The following MAX variants were observed in gnomAD, a reference collection of about 807,000 sequenced individuals.
The protein encoded by MAX is protein max.
Under a neutral mutation model 22.3 loss-of-function variants are expected in MAX, and 3 were observed. The ratio of observed to expected loss-of-function variants is 0.13; its 90% CI spans 0.06 to 0.35. The LOEUF is 0.35. MAX is among the 10% of genes least tolerant of loss of function. The pLI, the probability that MAX is intolerant of heterozygous loss-of-function variation, is 1.00. For synonymous variants in MAX, 72 were observed against 77.7 expected, an observed-to-expected ratio of 0.93 and a Z score of 0.39; for missense variants, 119 against 209.4, an observed-to-expected ratio of 0.57 and a Z score of 2.66.
Position 65,093,374 on chromosome 14 carries a change from A to ATCT in MAX, c.171+331_171+333dup. 2.9e-6 allele frequency: 1 copy of ATCT among 339,756 alleles called. No individual in the cohort carries two copies. The highest frequency in any genetic ancestry group is 4.1e-5 in the Admixed American group (1 of 24,102). 21.0% of individuals were successfully genotyped at this position (339,756 alleles called of 1,614,324 possible). On this transcript the variant is annotated intron_variant, in intron 3 of 4. Transcript: ENST00000358664. This position sits in a 1 kb window ranked among gnomAD's most constrained non-coding sequence, Gnocchi z 4.4. ...GTCTAGGGTATTAATGACCTCTGGA[A>ATCT]TCTTTACTGTTATCCCAAACGAACT...
rs144250681 is a variant in MAX at position 65,054,580 on chromosome 14, G to C, written c.171+39128C>G. 2 of 1,612,846 alleles carry C rather than the reference G, an allele frequency of 1.2e-6. No individual in the cohort carries two copies. Reference sequence around the variant, plus strand: ...AGAGCTGCCTGTCCTTACAGGTCGCGTGATTTCTACCACACCTGCTACTGC... The same window carrying C: ...AGAGCTGCCTGTCCTTACAGGTCGCCTGATTTCTACCACACCTGCTACTGC... On this transcript the variant is annotated intron_variant, in intron 3 of 3. Coordinates refer to the MAX transcript ENST00000341653. This position sits in a 1 kb window ranked among gnomAD's most constrained non-coding sequence, Gnocchi z 4.4.
intron 3 of MAX, among the ~76,000 whole-genome samples, chr14:65,063,541 C>T (rs2062899558): frequency 6.6e-6 from 1 of 152,090 alleles, no homozygotes; most frequent in Admixed American, 6.5e-5. Flanking sequence ...TCCTGACAGC[C>T]CTCAAGGTGA....
chr14:65,027,202 T>C lies in MAX; in HGVS notation c.172-20918A>G, dbSNP rs1218732924. Among the ~76,000 whole-genome samples the C allele has an allele frequency of 6.6e-6, 1 of 152,190 alleles. No homozygotes were observed. Among genetic ancestry groups the C allele is most frequent in the Non-Finnish European group, 1.5e-5 (1 of 68,044 alleles). ...TACGAAAGTCGGTTTCTTCCCAGCCTTGTGTTCCCTGCTTCATGACCAACA... is the reference window on the plus strand; with the variant it reads ...TACGAAAGTCGGTTTCTTCCCAGCCCTGTGTTCCCTGCTTCATGACCAACA... On this transcript the variant is annotated intron_variant, in intron 3 of 3. Coordinates refer to the MAX transcript ENST00000341653. This position sits in a 1 kb window ranked among gnomAD's most constrained non-coding sequence, Gnocchi z 5.7.
chr14:65,056,133 T>G (rs2062731836), intron 3 of MAX, among the ~76,000 whole-genome samples: 1 of 152,266 alleles, frequency 6.6e-6, no homozygotes, highest in Non-Finnish European at 1.5e-5. Flanking sequence ...GTTGCTTGCA[T>G]GTTTTCAAAC....
chr14:65,057,876 C>A (rs1226391714), intron 3 of MAX, among the ~76,000 whole-genome samples: 1 of 152,212 alleles, frequency 6.6e-6, no homozygotes, highest in Non-Finnish European at 1.5e-5. Context: ...TGAAGGGGCC[C>A]TGTTTCTGGA....
chr14:65,063,811 T>C (rs2062903045), intron 3 of MAX, among the ~76,000 whole-genome samples: 1 of 152,204 alleles, frequency 6.6e-6, no homozygotes, highest in African/African-American at 2.4e-5. Flanking sequence ...GCAATCTTCC[T>C]GCCTCAGCCT....
At position 65,076,127 on chromosome 14, in the gene MAX, GC is replaced by G; in HGVS notation, c.*348del. On this transcript the variant is annotated 3_prime_UTR_variant, in exon 5 of 5. Transcript: ENST00000358664. The surrounding 1 kb of genome is among the most constrained non-coding windows in gnomAD (Gnocchi z 6.6). The stretch of plus-strand genomic sequence containing the variant: ...GTCCCCCGGGCATGTGCCCGGCAGG[GC>G]TGGAGGAGCTGGTAGGGTGGGCAGG... 1 of 1,308,190 alleles carries G rather than the reference GC, an allele frequency of 7.6e-7. No homozygotes were observed. The highest frequency in any genetic ancestry group is 9.7e-7 in the Non-Finnish European group (1 of 1,027,072). 81.0% of individuals were successfully genotyped at this position (1,308,190 alleles called of 1,614,324 possible). A position where few individuals can be genotyped will look rare whatever the true frequency, so the allele number is the denominator to read the frequency against.
rs1566587205 is a variant in MAX, at chr14:65,062,697, T to C, written c.171+31011A>G. The C allele has an allele frequency of 6.5e-6, 1 of 152,688 alleles. No homozygotes were observed. Among genetic ancestry groups the C allele is most frequent in the Non-Finnish European group, 1.5e-5 (1 of 68,056 alleles). 9.5% of individuals were successfully genotyped at this position (152,688 alleles called of 1,614,324 possible). A position where few individuals can be genotyped will look rare whatever the true frequency, so the allele number is the denominator to read the frequency against. Reference sequence around the variant, plus strand: ...TCTGTACCAAGAAAATGCCCAATGGTAGGAGCTACTAAAGGTTGCTCAGGG... The same window carrying C: ...TCTGTACCAAGAAAATGCCCAATGGCAGGAGCTACTAAAGGTTGCTCAGGG... On this transcript the variant is annotated intron_variant, in intron 3 of 3. Coordinates refer to the MAX transcript ENST00000341653. The surrounding 1 kb of genome is among the most constrained non-coding windows in gnomAD (Gnocchi z 4.3).
rs563468928 is a variant in MAX at position 65,031,979 on chromosome 14, CGTGTGTGTGTGTGTGTGT to C, written c.172-25713_172-25696del. Among the ~76,000 whole-genome samples the C allele has an allele frequency of 1.4e-5, 2 of 141,198 alleles. No individual in the cohort carries two copies. Among genetic ancestry groups the C allele is most frequent in the Non-Finnish European group, 1.5e-5 (1 of 64,712 alleles). The allele number at this position is 141,198 out of a possible 152,430, so 92.6% of individuals were successfully genotyped here. ...ATAGACGTGCGCCTTTTTCATTTAA[CGTGTGTGTGTGTGTGTGT>C]GTGTGTGTGTGTGTGTGTGTGTACT... On this transcript the variant is annotated intron_variant, in intron 3 of 3. Coordinates refer to the MAX transcript ENST00000341653. This position sits in a 1 kb window ranked among gnomAD's most constrained non-coding sequence, Gnocchi z 4.6.
At chr14:65,073,207 C>T (rs186820208), downstream of MAX, among the ~76,000 whole-genome samples, 95 of 152,254 alleles carry the variant, frequency 6.2e-4, no homozygotes, top group Middle Eastern at 3.4e-3. Flanking sequence ...ACACAGCCAC[C>T]GAGTGGCAGA....
At chr14:65,038,302 C>T (rs531846740) in intron 3 of MAX, among the ~76,000 whole-genome samples, 35 of 151,620 alleles carry the variant, frequency 2.3e-4, no homozygotes, top group African/African-American at 7.5e-4. Context: ...CCCAGCTACT[C>T]GGGAGGCTGA....
chr14:65,058,062 A>G (rs1432940650), intron 3 of MAX, among the ~76,000 whole-genome samples: 1 of 150,252 alleles, frequency 6.7e-6, no homozygotes, highest in Non-Finnish European at 1.5e-5. Context: ...TTCTAATGGG[A>G]TTTTTATTGG....
In MAX at chr14:65,069,061, G is replaced by A. The variant is rs2062959894; in HGVS notation, c.171+24647C>T. ...GCCAGGTAAGGCAGATGCCGATGGT[G>A]ATGACGTAAGTGCTAGGTGTCCATG... On this transcript the variant is annotated intron_variant, in intron 3 of 3. Transcript: ENST00000341653. This position sits in a 1 kb window ranked among gnomAD's most constrained non-coding sequence, Gnocchi z 4.6. Among the ~76,000 whole-genome samples, 1 of 152,116 alleles carries A rather than the reference G, an allele frequency of 6.6e-6. No homozygotes were observed. The highest frequency in any genetic ancestry group is 6.5e-5 in the Admixed American group (1 of 15,286).
chr14:65,101,686 G>A (rs1045791433), intron 1 of MAX, 114 bp from the exon 2 acceptor site: 4 of 778,928 alleles, frequency 5.1e-6, no homozygotes, highest in Non-Finnish European at 8.7e-6. Context: ...TGGGGAGTCA[G>A]CCCGACACCC....
At position 65,039,999 on chromosome 14, in the gene MAX, G is replaced by T. The variant is rs114262022; in HGVS notation, c.172-33715C>A. Among the ~76,000 whole-genome samples the T allele has an allele frequency of 4.1e-3, 624 of 152,016 alleles. 1 individual carries two copies. Among genetic ancestry groups the T allele is most frequent in the African/African-American group, 0.015 (606 of 41,492 alleles). The stretch of plus-strand genomic sequence containing the variant: ...AGGCCAGAAATTTAAGACCAGCCTG[G>T]GTAACATGGCAATGCCCCATCTCTA... On this transcript the variant is annotated intron_variant, in intron 3 of 3. Coordinates refer to the MAX transcript ENST00000341653.
At chr14:65,036,287 A>G (rs988885090) in intron 3 of MAX, among the ~76,000 whole-genome samples, 2 of 151,932 alleles carry the variant, frequency 1.3e-5, no homozygotes, top group African/African-American at 4.8e-5. Flanking sequence ...CCCAGGCTGG[A>G]GTGCAGTGGC....
intron 3 of MAX, among the ~76,000 whole-genome samples, chr14:65,037,329 C>A (rs1292637246): frequency 6.9e-6 from 1 of 144,060 alleles, no homozygotes; most frequent in Non-Finnish European, 1.5e-5. Flanking sequence ...GTCTCGAACT[C>A]CTGACCTCAA....
intron 3 of MAX, among the ~76,000 whole-genome samples, chr14:65,066,240 C>T (rs1051294676): frequency 5.3e-5 from 8 of 152,232 alleles, no homozygotes; most frequent in African/African-American, 1.9e-4. Context: ...TGCCGTGTGG[C>T]TCAGTGAGGC....
chr14:65,068,881 T>A (rs1271631277), intron 3 of MAX, among the ~76,000 whole-genome samples: 1 of 152,154 alleles, frequency 6.6e-6, no homozygotes, highest in Non-Finnish European at 1.5e-5. Context: ...CATTGCTACC[T>A]TCTGTACCCA....
Sources: gnomAD v4.1 joint callset for allele counts (sites outside exome capture counted in the v4.1 genomes callset) on GRCh38, gnomAD v4.1.1 for gene constraint, Gnocchi (gnomAD v3.1) non-coding constraint, MANE v1.5 for transcripts, NCBI Gene and HGNC (gene_info 2026-07-23, HGNC 2026-07-21) for gene names.